RSRP1: variants seen among roughly 807,000 people sequenced by gnomAD.
RSRP1 encodes arginine and serine rich protein 1, also known as arginine/serine-rich protein 1.
Under a neutral mutation model 33.0 loss-of-function variants are expected in RSRP1, and 37 were observed. The observed-to-expected ratio is 1.12, with a 90% CI of 0.86 to 1.48. The LOEUF is 1.48. Ranked by LOEUF, RSRP1 falls within the 40% of genes most tolerant of loss-of-function variation. The pLI, the probability that RSRP1 is intolerant of heterozygous loss-of-function variation, is 0.00. For synonymous variants in RSRP1, 167 were observed against 158.7 expected (o/e 1.05, Z -0.40); for missense variants, 402 against 385.3 (o/e 1.04, Z -0.36).
At chr1:25,251,914 A>T (rs1639794993), upstream of RSRP1, among the ~76,000 whole-genome samples, 1 of 149,518 alleles carries the variant, frequency 6.7e-6, no homozygotes, top group South Asian at 2.1e-4. Context: ...TTTTTGAGAC[A>T]GAGTCTCGCT....
In RSRP1 at chr1:25,246,580, T is replaced by C; in HGVS notation, c.384A>G (p.Gly128=). The change falls in exon 2 of 5, where the codon GGA becomes GGG. Residue 128 remains glycine, a synonymous_variant. Coordinates refer to ENST00000243189, the MANE Select transcript of RSRP1 (RefSeq NM_020317.5). ...GTCCCCGCGCGATCGCGTACGCCCT[T>C]CCGCAGTACGACCTTCCCCGAGAGC... ...RSRSRGRSYC[G]RAYAIARGQR... The C allele has an allele frequency of 1.9e-6, 3 of 1,614,158 alleles. No homozygotes were observed. The highest frequency in any genetic ancestry group is 2.5e-6 in the Non-Finnish European group (3 of 1,180,036).
At chr1:25,336,334 A>G (rs1240000984) in intron 1 of RSRP1, 1 of 94,510 alleles carries the variant, frequency 1.1e-5, no homozygotes, top group Non-Finnish European at 2.0e-5. Context: ...TCAGTTAATA[A>G]TAATGTATCA....
rs550176337 is a variant in RSRP1, at chr1:25,291,592, C to T, written c.-66-44563G>A. ...AACAAACCAATGCCTTTAACTACTA[C>T]AGTATAATCCTGTAGGATTGTGCTA... On this transcript the variant is annotated intron_variant, in intron 1 of 1. Coordinates refer to the RSRP1 transcript ENST00000561867. Among the ~76,000 whole-genome samples the T allele has an allele frequency of 4.9e-4, 65 of 132,764 alleles. 14 individuals are homozygous for T. In the Middle Eastern group the frequency reaches 0.012, roughly 25 times the overall value. 87.1% of individuals were successfully genotyped at this position (132,764 alleles called of 152,430 possible).
In RSRP1 at chr1:25,300,128, C is replaced by T. The variant is rs564239058; in HGVS notation, c.-67+37850G>A. Reference sequence around the variant, plus strand: ...CAAAATTTATATCACTCATCACTCCCGCAGAGTTAAAATTCCGCTGAGAAG... The same window carrying T: ...CAAAATTTATATCACTCATCACTCCTGCAGAGTTAAAATTCCGCTGAGAAG... On this transcript the variant is annotated intron_variant, in intron 1 of 1. Transcript: ENST00000561867. Among the ~76,000 whole-genome samples the T allele has an allele frequency of 1.2e-4, 16 of 131,176 alleles. 3 individuals are homozygous for T. The highest frequency in any genetic ancestry group is 2.2e-4 in the Admixed American group (3 of 13,460). 86.1% of individuals were successfully genotyped at this position (131,176 alleles called of 152,430 possible).
At position 25,246,675 on chromosome 1, in the gene RSRP1, G is replaced by C. The variant is rs759580096; in HGVS notation, c.289C>G (p.Arg97Gly). The C allele has an allele frequency of 3.7e-6, 6 of 1,610,990 alleles. No homozygotes were observed. In the East Asian group the frequency reaches 1.3e-4, roughly 36 times the overall value. The change falls in exon 2 of 5, where the codon CGC becomes GGC. Residue 97 changes from arginine (R) to glycine (G), a missense_variant. Transcript: ENST00000243189. The stretch of plus-strand genomic sequence containing the variant: ...TAGTATCTCCTGGTGAACCCGTAGC[G>C]CCTCTCTCGGTAACGGCGGCTGCGG... ...RSRSRRYRERRYGFTRRYYRS... is the reference protein window; with the variant it reads ...RSRSRRYRERGYGFTRRYYRS...
intron 1 of RSRP1, among the ~76,000 whole-genome samples, chr1:25,283,257 C>T (rs555751542): frequency 8.4e-5 from 11 of 131,670 alleles, no homozygotes; most frequent in African/African-American, 2.6e-4. Context: ...TAGGCCAGGC[C>T]CTGTGGCTCA....
chr1:25,293,366 TACA>T (rs1392979701), intron 1 of RSRP1, among the ~76,000 whole-genome samples: 1 of 129,352 alleles, frequency 7.7e-6, no homozygotes, highest in East Asian at 2.0e-4. Flanking sequence ...TTTTTTTTTA[TACA>T]ACATTTTATT....
At chr1:25,260,983 G>A (rs1640119409) in intron 1 of RSRP1, among the ~76,000 whole-genome samples, 1 of 151,886 alleles carries the variant, frequency 6.6e-6, no homozygotes, top group South Asian at 2.1e-4. Context: ...TGTATTTTTA[G>A]TAGAGACAGG....
In RSRP1 at chr1:25,314,495, CTTCT is replaced by C. The variant is rs1201827651; in HGVS notation, c.-67+23479_-67+23482del. ...TCCCACTTTGTGCGTTACCTTTTTC[CTTCT>C]TTCTTTCTTTTTGAAACAGAGTCTC... On this transcript the variant is annotated intron_variant, in intron 1 of 1. Coordinates refer to the RSRP1 transcript ENST00000561867. Among the ~76,000 whole-genome samples, 3 of 130,514 alleles carry C rather than the reference CTTCT, an allele frequency of 2.3e-5. 1 individual carries two copies. Among genetic ancestry groups the C allele is most frequent in the Non-Finnish European group, 5.4e-5 (3 of 55,590 alleles). The allele number at this position is 130,514 out of a possible 152,430, so 85.6% of individuals were successfully genotyped here.
chr1:25,244,389 G>C (rs1409853550), intron 3 of RSRP1: 2 of 1,289,346 alleles, frequency 1.6e-6, no homozygotes, highest in Non-Finnish European at 2.0e-6. Flanking sequence ...AAAAAACTAA[G>C]TTTTCAGTGT....
chr1:25,316,786 C>CACAG (rs1203400282), intron 1 of RSRP1, among the ~76,000 whole-genome samples: 1,046 of 87,716 alleles, frequency 0.012, 68 homozygotes, highest in African/African-American at 0.033. Flanking sequence ...TAAAATAAGC[C>CACAG]ACAATCTTGG....
intron 1 of RSRP1, chr1:25,253,111 T>A (rs1230508365): frequency 6.6e-6 from 1 of 152,162 alleles, no homozygotes; most frequent in Admixed American, 6.5e-5. Context: ...TTTCACCATG[T>A]TGGCCAGGCT....
intron 1 of RSRP1, among the ~76,000 whole-genome samples, chr1:25,261,968 T>A: frequency 6.6e-6 from 1 of 152,110 alleles, no homozygotes; most frequent in East Asian, 1.9e-4. Context: ...TGCCTCGGCC[T>A]CCCAAAGTGC....
intron 1 of RSRP1, among the ~76,000 whole-genome samples, chr1:25,259,563 C>T (rs938842433): frequency 5.9e-5 from 9 of 151,996 alleles, no homozygotes; most frequent in African/African-American, 2.2e-4. Context: ...AGTGCAGTGC[C>T]GCAATCTCAG....
At chr1:25,243,789 C>T in intron 3 of RSRP1, 156 bp from the exon 4 acceptor site, 2 of 1,382,232 alleles carry the variant, frequency 1.4e-6, no homozygotes, top group Non-Finnish European at 1.9e-6. Flanking sequence ...TGAGTTTTCC[C>T]CTTAACAAAA....
intron 1 of RSRP1, chr1:25,272,310 C>A: frequency 2.0e-6 from 1 of 512,298 alleles, no homozygotes; most frequent in South Asian, 2.1e-5. Flanking sequence ...GTAACAGGAA[C>A]ACAGCAACTT....
intron 1 of RSRP1, among the ~76,000 whole-genome samples, chr1:25,283,870 C>T (rs1363609566): frequency 7.5e-6 from 1 of 133,986 alleles, no homozygotes; most frequent in Non-Finnish European, 1.8e-5. Flanking sequence ...AACCAAAGTG[C>T]TCACCCTCCG....
At chr1:25,244,831 G>T in intron 3 of RSRP1, 1 of 947,244 alleles carries the variant, frequency 1.1e-6, no homozygotes, top group Non-Finnish European at 1.4e-6. Flanking sequence ...CTACAGGCAT[G>T]CACCACCATG....
Position 25,301,501 on chromosome 1 carries a change from C to T in RSRP1, c.-67+36477G>A, listed in dbSNP as rs549952143. Reference sequence around the variant, plus strand: ...GAGCAGGAGTGTGATTCTGGCCAACCACCCTCTCTGGCCCCCAGGCGCCCT... The same window carrying T: ...GAGCAGGAGTGTGATTCTGGCCAACTACCCTCTCTGGCCCCCAGGCGCCCT... On this transcript the variant is annotated intron_variant, in intron 1 of 1. Coordinates refer to the RSRP1 transcript ENST00000561867. 32 of 1,377,014 alleles carry T rather than the reference C, an allele frequency of 2.3e-5. 8 individuals are homozygous for T. The highest frequency in any genetic ancestry group is 3.0e-5 in the Non-Finnish European group (29 of 977,876). The allele number at this position is 1,377,014 out of a possible 1,614,324, so 85.3% of individuals were successfully genotyped here. A position where few individuals can be genotyped will look rare whatever the true frequency, so the allele number is the denominator to read the frequency against.
Sources: allele counts gnomAD v4.1 joint callset (sites outside exome capture counted in the v4.1 genomes callset), GRCh38; gene constraint gnomAD v4.1.1; transcripts MANE v1.5; gene names NCBI Gene and HGNC (gene_info 2026-07-23, HGNC 2026-07-21).